Variants in UBN2 observed in about 807,000 individuals in gnomAD.
UBN2 encodes the protein ubinuclein 2.
UBN2 carries 35 observed loss-of-function variants against 120.2 expected under a neutral mutation model. The observed-to-expected ratio is 0.29, with a 90% CI of 0.22 to 0.39. The LOEUF (loss-of-function observed/expected upper bound fraction) is 0.39, where lower values mean the gene tolerates loss of function less well. Among genes scored for constraint, UBN2 ranks in the 10% least tolerant of loss-of-function variants. UBN2 has a pLI of 1.00. For missense variants in UBN2, 1,693 were observed against 1,663.2 expected (o/e 1.02, Z -0.31); for synonymous variants, 661 against 648.7 (o/e 1.02, Z -0.29).
At chr7:139,317,911 C>T in the UBN2 span, among the ~76,000 whole-genome samples, 2 of 152,188 alleles carry the variant, frequency 1.3e-5, no homozygotes, top group Non-Finnish European at 2.9e-5. Flanking sequence ...GACCCACCCG[C>T]CTTGGCCTCC....
chr7:139,254,423 T>G (rs62485943), intron 3 of UBN2, among the ~76,000 whole-genome samples: 2 of 152,236 alleles, frequency 1.3e-5, no homozygotes, highest in African/African-American at 4.8e-5. Context: ...CAAAAAAGGT[T>G]GTCAACCAAT....
intron 2 of UBN2, among the ~76,000 whole-genome samples, chr7:139,239,074 G>T (rs915556564): frequency 6.6e-6 from 1 of 152,018 alleles, no homozygotes; most frequent in Admixed American, 6.6e-5. Context: ...TCCTTTTATT[G>T]TATTGCCCAC....
intron 3 of UBN2, among the ~76,000 whole-genome samples, chr7:139,253,625 C>T (rs1796679483): frequency 6.6e-6 from 1 of 152,196 alleles, no homozygotes; most frequent in Non-Finnish European, 1.5e-5. Context: ...CCCCTGGAAT[C>T]CCCTTTTTCT....
the UBN2 span, among the ~76,000 whole-genome samples, chr7:139,318,363 CTG>C: frequency 6.6e-6 from 1 of 152,200 alleles, no homozygotes; most frequent in Non-Finnish European, 1.5e-5. Context: ...GAACTTAAAA[CTG>C]TGGGTCTGAT....
At chr7:139,244,070 C>T (rs1213075702) in intron 2 of UBN2, among the ~76,000 whole-genome samples, 1 of 152,176 alleles carries the variant, frequency 6.6e-6, no homozygotes, top group African/African-American at 2.4e-5. Context: ...AGTAAATCTC[C>T]TTCCTACCCC....
Position 139,291,032 on chromosome 7 carries a change from T to C in UBN2, c.3670-2200T>C, listed in dbSNP as rs558584650. Among the ~76,000 whole-genome samples, 4 of 152,278 alleles carry C rather than the reference T, an allele frequency of 2.6e-5. No homozygotes were observed. The East Asian group carries it at 5.8e-4, about 22-fold the overall frequency. On this transcript the variant is annotated intron_variant, in intron 15 of 17. Transcript: ENST00000473989. Reference sequence around the variant, plus strand: ...GAAAGAGCTAACATTCATTAGTTATTTTTAAAATAGTCAACAAATTCCATT... The same window carrying C: ...GAAAGAGCTAACATTCATTAGTTATCTTTAAAATAGTCAACAAATTCCATT...
the UBN2 span, among the ~76,000 whole-genome samples, chr7:139,313,905 G>A: frequency 2.7e-5 from 4 of 150,920 alleles, no homozygotes; most frequent in East Asian, 7.9e-4. Context: ...CTGGAGTGCA[G>A]TGGCGCAATC....
At position 139,231,303 on chromosome 7, in the gene UBN2, C is replaced by T. The variant is rs1286697533; in HGVS notation, c.-182C>T. On this transcript the variant is annotated 5_prime_UTR_variant, in exon 1 of 18. Transcript: ENST00000473989. ...CGACCCTGGCGATGGCGGTGAAGCC[C>T]ATCAGAACGTAGTAGCGGGGAAGGG... Among the ~76,000 whole-genome samples the T allele has an allele frequency of 6.6e-6, 1 of 152,246 alleles. No individual in the cohort carries two copies. The highest frequency in any genetic ancestry group is 1.5e-5 in the Non-Finnish European group (1 of 68,044).
chr7:139,310,070 G>C (rs113486604), downstream of UBN2, among the ~76,000 whole-genome samples: 40 of 152,236 alleles, frequency 2.6e-4, no homozygotes, highest in Middle Eastern at 6.8e-3. Flanking sequence ...GAAATGGGAA[G>C]GGGCCTCTCC....
rs1798357291 is a variant in UBN2, at chr7:139,306,270, TGCTTGCAGCCATAA to T, written c.*8439_*8452del. On this transcript the variant is annotated 3_prime_UTR_variant, in exon 18 of 18. Coordinates refer to ENST00000473989, the MANE Select transcript of UBN2 (RefSeq NM_173569.4). Reference sequence around the variant, plus strand: ...GATCTTAACTATCTTGTGTTTGCTGTGCTTGCAGCCATAAGCTTTCCTCCTTTTTTGCTTATCCC... The same window carrying T: ...GATCTTAACTATCTTGTGTTTGCTGTGCTTTCCTCCTTTTTTGCTTATCCC... The T allele has an allele frequency of 6.6e-6, 1 of 152,250 alleles. No homozygotes were observed. The highest frequency in any genetic ancestry group is 1.5e-5 in the Non-Finnish European group (1 of 68,046). The allele number at this position is 152,250 out of a possible 1,614,324, so 9.4% of individuals were successfully genotyped here. A position where few individuals can be genotyped will look rare whatever the true frequency, so the allele number is the denominator to read the frequency against.
chr7:139,298,530 T>C lies in UBN2; in HGVS notation c.*694T>C, dbSNP rs1375255482. On this transcript the variant is annotated 3_prime_UTR_variant, in exon 18 of 18. Coordinates refer to ENST00000473989, the MANE Select transcript of UBN2 (RefSeq NM_173569.4). ...AATCAGGAAGTTGAGCCTGTTGCTCTTAAGAGATGAAACCTAGATGTCCCC... is the reference window on the plus strand; with the variant it reads ...AATCAGGAAGTTGAGCCTGTTGCTCCTAAGAGATGAAACCTAGATGTCCCC... The C allele has an allele frequency of 6.6e-6, 1 of 152,136 alleles. No individual in the cohort carries two copies. Among genetic ancestry groups the C allele is most frequent in the Non-Finnish European group, 1.5e-5 (1 of 68,028 alleles). 9.4% of individuals were successfully genotyped at this position (152,136 alleles called of 1,614,324 possible).
chr7:139,258,671 T>C, intron 4 of UBN2, 46 bp downstream of exon 4: 1 of 1,471,786 alleles, frequency 6.8e-7, no homozygotes, highest in Non-Finnish European at 9.1e-7. Flanking sequence ...GTTCAATTAA[T>C]AGGATTTTTT....
intron 17 of UBN2, among the ~76,000 whole-genome samples, chr7:139,296,333 C>T (rs1171603998): frequency 1.3e-5 from 2 of 152,224 alleles, no homozygotes; most frequent in Non-Finnish European, 2.9e-5. Context: ...TATTTAAACA[C>T]ATGAGTATGA....
At chr7:139,268,942 C>T (rs1384623526) in intron 7 of UBN2, among the ~76,000 whole-genome samples, 2 of 152,208 alleles carry the variant, frequency 1.3e-5, no homozygotes, top group Admixed American at 6.5e-5. Context: ...GTGGCTCACA[C>T]CTGTAATCCC....
At chr7:139,325,471 G>A in the UBN2 span, among the ~76,000 whole-genome samples, 2 of 152,062 alleles carry the variant, frequency 1.3e-5, no homozygotes, top group Middle Eastern at 6.8e-3. Context: ...GTTTCACCAT[G>A]TTGGCCAGGC....
chr7:139,309,977 T>C (rs1246664285), downstream of UBN2, among the ~76,000 whole-genome samples: 1 of 152,222 alleles, frequency 6.6e-6, no homozygotes, highest in Non-Finnish European at 1.5e-5. Context: ...CTTAAATATA[T>C]TTTCAATGAA....
intron 7 of UBN2, among the ~76,000 whole-genome samples, chr7:139,268,852 G>T (rs1311889412): frequency 1.3e-5 from 2 of 152,156 alleles, no homozygotes; most frequent in Non-Finnish European, 2.9e-5. Context: ...CTTGTTCATG[G>T]TTATTGAAGT....
In UBN2 at chr7:139,231,759, G is replaced by C; in HGVS notation, c.275G>C (p.Arg92Pro). The C allele has an allele frequency of 8.1e-7, 1 of 1,238,032 alleles. No individual in the cohort carries two copies. Among genetic ancestry groups the C allele is most frequent in the Non-Finnish European group, 1.0e-6 (1 of 995,534 alleles). 76.7% of individuals were successfully genotyped at this position (1,238,032 alleles called of 1,614,324 possible). ...PPMSLQREPP[R>P]PEPPPPFPPL... ...ATGTCGCTGCAGCGGGAGCCCCCGC[G>C]GCCCGAGCCGCCGCCGCCGTTCCCG... The change falls in exon 1 of 18, where the codon CGG becomes CCG. Residue 92 changes from arginine to proline, a missense_variant. Physicochemically the swap from Arg to Pro is moderately radical, Grantham distance 103. Coordinates refer to ENST00000473989, the MANE Select transcript of UBN2 (RefSeq NM_173569.4).
chr7:139,296,759 C>T (rs1798119630), intron 17 of UBN2, among the ~76,000 whole-genome samples: 1 of 152,052 alleles, frequency 6.6e-6, no homozygotes, highest in African/African-American at 2.4e-5. Flanking sequence ...GGTGTGGTGG[C>T]ACACACCTGT....
Sources: gnomAD v4.1 joint callset for allele counts (sites outside exome capture counted in the v4.1 genomes callset) on GRCh38, gnomAD v4.1.1 for gene constraint, MANE v1.5 for transcripts, NCBI Gene and HGNC (gene_info 2026-07-23, HGNC 2026-07-21) for gene names.